Variants in CHODL observed in about 807,000 individuals in gnomAD.
The protein encoded by CHODL is transmembrane protein MT75.
CHODL carries 29 observed loss-of-function variants against 34.5 expected under a neutral mutation model. The ratio of observed to expected loss-of-function variants is 0.84; its 90% confidence interval spans 0.63 to 1.15. The LOEUF (loss-of-function observed/expected upper bound fraction) is 1.15, where lower values mean the gene tolerates loss of function less well. Ranked by LOEUF, CHODL falls within the 50% of genes most tolerant of loss-of-function variation. The probability of loss-of-function intolerance (pLI) is 0.00; values close to 1 mark genes in which losing one functional copy is unlikely to be tolerated. For synonymous variants in CHODL, 125 were observed against 116.1 expected (o/e 1.08, Z -0.49); for missense variants, 332 against 332.5 (o/e 1.00, Z 0.01).
At chr21:18,171,796 C>A (rs528374750) in intron 2 of CHODL, among the ~76,000 whole-genome samples, 1 of 145,986 alleles carries the variant, frequency 6.8e-6, no homozygotes, top group Non-Finnish European at 1.5e-5. Context: ...GGTCTGTATT[C>A]TTTGTCATAT....
At chr21:18,135,244 C>T (rs920093313) in intron 2 of CHODL, among the ~76,000 whole-genome samples, 1 of 152,094 alleles carries the variant, frequency 6.6e-6, no homozygotes, top group Non-Finnish European at 1.5e-5. Flanking sequence ...TACAGGTTGC[C>T]CTTTGCCAAT....
chr21:18,056,845 T>C (rs2064588647), intron 2 of CHODL, among the ~76,000 whole-genome samples: 1 of 152,042 alleles, frequency 6.6e-6, no homozygotes, highest in Admixed American at 6.6e-5. Flanking sequence ...TCTTTTCTCC[T>C]CCCCATGGTT....
At chr21:18,177,864 T>C (rs144055539) in intron 2 of CHODL, among the ~76,000 whole-genome samples, 34 of 152,284 alleles carry the variant, frequency 2.2e-4, no homozygotes, top group Admixed American at 9.8e-4. Flanking sequence ...TTTTCAGGAA[T>C]AAACTTGAGT....
At chr21:18,154,560 T>A (rs142735590) in intron 2 of CHODL, among the ~76,000 whole-genome samples, 3 of 152,180 alleles carry the variant, frequency 2.0e-5, no homozygotes, top group African/African-American at 7.2e-5. Flanking sequence ...ATTCAGAGGA[T>A]AGAGGAAAAA....
chr21:18,168,898 C>G (rs1261519752), intron 2 of CHODL, among the ~76,000 whole-genome samples: 1 of 152,050 alleles, frequency 6.6e-6, no homozygotes, highest in Non-Finnish European at 1.5e-5. Flanking sequence ...AGGTTTAGCT[C>G]TTACATGTAA....
intron 2 of CHODL, among the ~76,000 whole-genome samples, chr21:18,191,954 A>T (rs904306758): frequency 2.0e-5 from 3 of 152,200 alleles, no homozygotes; most frequent in Non-Finnish European, 4.4e-5. Context: ...TTAAAAAAGG[A>T]AACTTGTGAA....
intron 1 of CHODL, among the ~76,000 whole-genome samples, chr21:17,921,406 T>G (rs1467019692): frequency 6.6e-6 from 1 of 152,226 alleles, no homozygotes; most frequent in East Asian, 1.9e-4. Context: ...CAAGGGTGTG[T>G]TGGGCAGAAG....
chr21:18,062,037 A>G (rs2064673000), intron 2 of CHODL, among the ~76,000 whole-genome samples: 1 of 152,208 alleles, frequency 6.6e-6, no homozygotes, highest in Non-Finnish European at 1.5e-5. Context: ...TAGGAGACAT[A>G]GAAGACAAGG....
chr21:18,156,548 C>A (rs1432431052), intron 2 of CHODL, among the ~76,000 whole-genome samples: 2 of 151,996 alleles, frequency 1.3e-5, no homozygotes, highest in African/African-American at 2.4e-5. Flanking sequence ...TTTGGAGGAA[C>A]CTGATTTTAA....
chr21:17,932,326 G>A (rs181034769), intron 1 of CHODL, among the ~76,000 whole-genome samples: 1 of 152,262 alleles, frequency 6.6e-6, no homozygotes, highest in East Asian at 1.9e-4. Flanking sequence ...TGAGGATGAA[G>A]AGAAAAGGGA....
At chr21:18,059,981 C>T (rs1157684928) in intron 2 of CHODL, among the ~76,000 whole-genome samples, 2 of 152,074 alleles carry the variant, frequency 1.3e-5, no homozygotes, top group Non-Finnish European at 2.9e-5. Context: ...TCCACTGACC[C>T]ATTATCTTTT....
intron 2 of CHODL, among the ~76,000 whole-genome samples, chr21:18,098,108 A>G (rs1229403316): frequency 1.3e-5 from 2 of 152,074 alleles, no homozygotes; most frequent in Admixed American, 1.3e-4. Flanking sequence ...GACTATAAAA[A>G]TACTACAAAA....
At chr21:17,946,165 C>G (rs1269316166) in intron 1 of CHODL, among the ~76,000 whole-genome samples, 1 of 152,160 alleles carries the variant, frequency 6.6e-6, no homozygotes, top group Non-Finnish European at 1.5e-5. Context: ...CGCTTGTAAT[C>G]CCAGCACTTT....
At chr21:18,174,161 A>ATCTTGGTATATATATATAT (rs2073276201) in intron 2 of CHODL, among the ~76,000 whole-genome samples, 2 of 85,658 alleles carry the variant, frequency 2.3e-5, no homozygotes, top group Non-Finnish European at 6.1e-5. Context: ...ATATATATAT[A>ATCTTGGTATATATATATAT]AAATCAAGTC....
intron 2 of CHODL, among the ~76,000 whole-genome samples, chr21:18,053,127 A>G (rs1426667803): frequency 6.6e-6 from 1 of 151,952 alleles, no homozygotes; most frequent in Non-Finnish European, 1.5e-5. Context: ...TCAGCTGTGA[A>G]TGCAGGAAGA....
chr21:18,022,199 G>A (rs1407160620), intron 1 of CHODL, among the ~76,000 whole-genome samples: 2 of 152,096 alleles, frequency 1.3e-5, no homozygotes, highest in Non-Finnish European at 2.9e-5. Context: ...GTGTCAGCTG[G>A]GTTGTGCTTT....
intron 1 of CHODL, among the ~76,000 whole-genome samples, chr21:18,002,813 C>T (rs1224754614): frequency 6.6e-6 from 1 of 152,162 alleles, no homozygotes; most frequent in Non-Finnish European, 1.5e-5. Context: ...TGGATACACT[C>T]TTCACCTGGG....
rs73202938 is a variant in CHODL at position 18,183,074 on chromosome 21, A to G, written c.-44-73435A>G. 7.5e-3 allele frequency among the ~76,000 whole-genome samples: 1,142 copies of G among 152,368 alleles called. 4 individuals are homozygous for G. The highest frequency in any genetic ancestry group is 0.012 in the Non-Finnish European group (843 of 68,034). On this transcript the variant is annotated intron_variant, in intron 2 of 6. Coordinates refer to the CHODL transcript ENST00000400127. The stretch of plus-strand genomic sequence containing the variant: ...CCACTTTGAAAAGAGGACAACCACT[A>G]AAAACCTCATTCCTTTTAAAATACA...
intron 1 of CHODL, among the ~76,000 whole-genome samples, chr21:17,935,093 A>G (rs2063308520): frequency 6.6e-6 from 1 of 152,198 alleles, no homozygotes; most frequent in Admixed American, 6.5e-5. Context: ...AGGAGAGTTG[A>G]AAACAATAAA....
Sources: gnomAD v4.1 joint callset for allele counts (sites outside exome capture counted in the v4.1 genomes callset) on GRCh38, gnomAD v4.1.1 for gene constraint, MANE v1.5 for transcripts, NCBI Gene and HGNC (gene_info 2026-07-23, HGNC 2026-07-21) for gene names.